PBX1: variants seen among roughly 807,000 people sequenced by gnomAD.
PBX1 encodes the protein pre-B-cell leukemia transcription factor 1.
A neutral mutation model predicts 53.4 loss-of-function variants in PBX1; 6 were observed. That is an observed-to-expected ratio of 0.11 (90% confidence interval 0.06 to 0.22). The LOEUF (loss-of-function observed/expected upper bound fraction) is 0.22. Among genes scored for constraint, PBX1 ranks in the 10% least tolerant of loss-of-function variants. PBX1 has a pLI of 1.00. For synonymous variants in PBX1, 204 were observed against 212.3 expected (o/e 0.96, Z 0.34); for missense variants, 251 against 551.4 (o/e 0.46, Z 5.46).
Position 164,773,243 on chromosome 1 carries a change from G to GCACACACACACACACACACACACACACA in PBX1, c.266-19248_266-19221dup, listed in dbSNP as rs60518864. 2.9e-4 allele frequency among the ~76,000 whole-genome samples: 43 copies of GCACACACACACACACACACACACACACA among 147,670 alleles called. 1 individual carries two copies. The highest frequency in any genetic ancestry group is 5.2e-4 in the Non-Finnish European group (35 of 67,094). On this transcript the variant is annotated intron_variant, in intron 2 of 8. Transcript: ENST00000420696. ...CAGCTCTTGCATATAGGTAACACGC[G>GCACACACACACACACACACACACACACA]CACACACACACACACACACACACAC...
intron 2 of PBX1, among the ~76,000 whole-genome samples, chr1:164,610,147 C>T (rs541165891): frequency 2.6e-5 from 4 of 152,148 alleles, no homozygotes; most frequent in South Asian, 2.1e-4. Flanking sequence ...CCTCATCTGC[C>T]CCAAATCCCT....
chr1:164,774,358 AT>A (rs1157694796), intron 2 of PBX1: 1 of 152,172 alleles, frequency 6.6e-6, no homozygotes, highest in African/African-American at 2.4e-5. Flanking sequence ...TCTGGGAGGT[AT>A]AAAAGGAAAC....
chr1:164,652,996 A>G (rs1659925861), intron 2 of PBX1, among the ~76,000 whole-genome samples: 1 of 151,554 alleles, frequency 6.6e-6, no homozygotes, highest in Admixed American at 6.6e-5. Flanking sequence ...CCTCCTGAGT[A>G]GCTGAGATTA....
At chr1:164,746,538 G>A (rs189456682) in intron 2 of PBX1, among the ~76,000 whole-genome samples, 31 of 152,108 alleles carry the variant, frequency 2.0e-4, no homozygotes, top group Admixed American at 2.0e-3. Flanking sequence ...CACCACGCCC[G>A]GCTAAGTTTT....
rs12723035 is a variant in PBX1 at position 164,850,925 on chromosome 1, A to G, written c.*4249A>G. ...CATTCCATGAGGCCTCTTCCAACCA[A>G]AGAGGCCTTTTCTTCCAGGAGAGTC... On this transcript the variant is annotated 3_prime_UTR_variant, in exon 9 of 9. Transcript: ENST00000420696. 76,456 of 211,450 alleles carry G rather than the reference A, an allele frequency of 0.36. 14,680 individuals carry two copies. The highest frequency in any genetic ancestry group is 0.49 in the African/African-American group (21,679 of 44,096). 13.1% of individuals were successfully genotyped at this position (211,450 alleles called of 1,614,324 possible).
At chr1:164,607,658 T>C (rs1011300581) in intron 2 of PBX1, among the ~76,000 whole-genome samples, 1 of 152,146 alleles carries the variant, frequency 6.6e-6, no homozygotes, top group African/African-American at 2.4e-5. Flanking sequence ...TAGCGATTGA[T>C]GCCGTGAGAG....
chr1:164,881,712 A>G (rs1043223729), intron 2 of PBX1, among the ~76,000 whole-genome samples: 3 of 152,144 alleles, frequency 2.0e-5, no homozygotes, highest in African/African-American at 7.2e-5. Context: ...CTGGCTGTCC[A>G]GCATCTGCTC....
At chr1:164,786,908 G>A (rs1407907784) in intron 2 of PBX1, among the ~76,000 whole-genome samples, 2 of 151,940 alleles carry the variant, frequency 1.3e-5, no homozygotes, top group East Asian at 1.9e-4. Context: ...TATAATCTTC[G>A]GTTATCTGCT....
chr1:164,619,452 A>T (rs1211301086), intron 2 of PBX1, among the ~76,000 whole-genome samples: 1 of 152,090 alleles, frequency 6.6e-6, no homozygotes, highest in Non-Finnish European at 1.5e-5. Flanking sequence ...GTGAAGGGGC[A>T]GTGAGTGAGG....
chr1:164,621,092 G>A (rs143455684), intron 2 of PBX1, among the ~76,000 whole-genome samples: 1,882 of 152,328 alleles, frequency 0.012, 40 homozygotes, highest in African/African-American at 0.043. Context: ...GGATTCAAGC[G>A]ATTCTCCTGC....
chr1:164,621,898 A>C (rs1571085588), intron 2 of PBX1, among the ~76,000 whole-genome samples: 1 of 152,138 alleles, frequency 6.6e-6, no homozygotes, highest in African/African-American at 2.4e-5. Flanking sequence ...CCAGAAGAAA[A>C]GCTCCCATCT....
chr1:164,696,808 C>T lies in PBX1; in HGVS notation c.266-95686C>T, dbSNP rs569641029. Among the ~76,000 whole-genome samples the T allele has an allele frequency of 2.6e-5, 4 of 152,270 alleles. No homozygotes were observed. The East Asian group carries it at 7.7e-4, about 29-fold the overall frequency. ...TAGCGCTGTATCTGTTAGAATCATACTCTGTTTTCAGGCTGTCCCTAGGCT... is the reference window on the plus strand; with the variant it reads ...TAGCGCTGTATCTGTTAGAATCATATTCTGTTTTCAGGCTGTCCCTAGGCT... On this transcript the variant is annotated intron_variant, in intron 2 of 8. Transcript: ENST00000420696.
At chr1:164,683,982 T>C (rs1370590419) in intron 2 of PBX1, 2 of 152,150 alleles carry the variant, frequency 1.3e-5, no homozygotes, top group Non-Finnish European at 2.9e-5. Flanking sequence ...ATTTTATGTA[T>C]TTTTTAGATT....
intron 2 of PBX1, among the ~76,000 whole-genome samples, chr1:164,588,806 C>T (rs1655144300): frequency 6.6e-6 from 1 of 152,150 alleles, no homozygotes; most frequent in Non-Finnish European, 1.5e-5. Flanking sequence ...CTTCTGTTTT[C>T]TTAAGCTCAG....
chr1:164,584,381 G>T (rs951389858), intron 2 of PBX1, among the ~76,000 whole-genome samples: 1 of 151,782 alleles, frequency 6.6e-6, no homozygotes, highest in Non-Finnish European at 1.5e-5. Flanking sequence ...GAGAGAGAGA[G>T]AGATCTAAAA....
chr1:164,781,135 A>G (rs901162665), intron 2 of PBX1, among the ~76,000 whole-genome samples: 4 of 152,050 alleles, frequency 2.6e-5, no homozygotes, highest in African/African-American at 9.7e-5. Context: ...AAGGACCCTG[A>G]CTGACCTTGT....
chr1:164,849,295 G>T lies in PBX1; in HGVS notation c.*2619G>T. ...TTTTCACTGATGATCACCTTTCACA[G>T]CATTTTCCCCAACCAGCATTTCACT... On this transcript the variant is annotated 3_prime_UTR_variant, in exon 9 of 9. Transcript: ENST00000420696. 1 of 1,534,426 alleles carries T rather than the reference G, an allele frequency of 6.5e-7. No individual in the cohort carries two copies. Among genetic ancestry groups the T allele is most frequent in the Non-Finnish European group, 8.7e-7 (1 of 1,146,046 alleles).
chr1:164,847,039 A>G lies in PBX1; in HGVS notation c.*363A>G. ...GAGGAATTTAAAGAGGAAAAAAATT[A>G]CAAAGAAAATAATAAAAGTGTTTGT... On this transcript the variant is annotated 3_prime_UTR_variant, in exon 9 of 9. Transcript: ENST00000420696. The G allele has an allele frequency of 8.9e-7, 1 of 1,125,146 alleles. No homozygotes were observed. Among genetic ancestry groups the G allele is most frequent in the East Asian group, 4.1e-5 (1 of 24,646 alleles). The allele number at this position is 1,125,146 out of a possible 1,614,324, so 69.7% of individuals were successfully genotyped here.
At chr1:164,765,777 C>G (rs1307110865) in intron 2 of PBX1, among the ~76,000 whole-genome samples, 1 of 152,126 alleles carries the variant, frequency 6.6e-6, no homozygotes, top group African/African-American at 2.4e-5. Context: ...ATAAAACCAT[C>G]CAGTTTCCAG....
Sources: gnomAD v4.1 joint callset for allele counts (sites outside exome capture counted in the v4.1 genomes callset) on GRCh38, gnomAD v4.1.1 for gene constraint, MANE v1.5 for transcripts, NCBI Gene and HGNC (gene_info 2026-07-23, HGNC 2026-07-21) for gene names.